The following FBXO42 variants were observed in gnomAD, a reference collection of about 807,000 sequenced individuals.
FBXO42 encodes the protein F-box only protein 42.
Under a neutral mutation model 71.7 loss-of-function variants are expected in FBXO42, and 12 were observed. That is an observed-to-expected ratio of 0.17 (90% CI 0.11 to 0.27). The LOEUF (loss-of-function observed/expected upper bound fraction) is 0.27. Ranked by LOEUF, FBXO42 falls within the 10% of genes least tolerant of loss-of-function variation. FBXO42 has a pLI of 1.00. For missense variants in FBXO42, 707 were observed against 911.9 expected (o/e 0.78, Z 2.89); for synonymous variants, 325 against 327.5 (o/e 0.99, Z 0.08).
At position 16,315,308 on chromosome 1, in the gene FBXO42, C is replaced by T. The variant is rs2082353507; in HGVS notation, c.111G>A (p.Glu37=). 1 of 1,614,030 alleles carries T rather than the reference C, an allele frequency of 6.2e-7. No individual in the cohort carries two copies. The highest frequency in any genetic ancestry group is 8.5e-7 in the Non-Finnish European group (1 of 1,180,020). ...ACCTATTATGTCTAGTCTCCTCAGC[C>T]TCCAATACTGGGTGGGGCTCCTCAT... ...DQDEEPHPVL[E]AEETRHNRSM... Residue 37 remains glutamate, a synonymous_variant, in exon 2 of 10, where the codon GAG becomes GAA. Transcript: ENST00000375592.
chr1:16,292,128 G>C (rs376285760), intron 4 of FBXO42, among the ~76,000 whole-genome samples: 1 of 152,162 alleles, frequency 6.6e-6, no homozygotes, highest in African/African-American at 2.4e-5. Context: ...ACATTCAGGA[G>C]TTTGTATGTT....
intron 4 of FBXO42, among the ~76,000 whole-genome samples, chr1:16,287,097 C>CATA (rs2082029403): frequency 6.6e-6 from 1 of 152,224 alleles, no homozygotes; most frequent in Non-Finnish European, 1.5e-5. Flanking sequence ...GAAAGCCACA[C>CATA]ATATGTGATA....
chr1:16,287,801 C>T (rs1020949390), intron 4 of FBXO42, among the ~76,000 whole-genome samples: 15 of 152,032 alleles, frequency 9.9e-5, no homozygotes, highest in African/African-American at 2.9e-4. Context: ...GTCAAACTCT[C>T]GGCCAGGCAC....
chr1:16,259,961 C>A (rs1000980845), intron 4 of FBXO42, among the ~76,000 whole-genome samples: 1 of 152,140 alleles, frequency 6.6e-6, no homozygotes, highest in Non-Finnish European at 1.5e-5. Flanking sequence ...GGTTATCAAA[C>A]TGAAGAGCAC....
chr1:16,313,961 G>A (rs1352357952), intron 2 of FBXO42, among the ~76,000 whole-genome samples: 1 of 152,086 alleles, frequency 6.6e-6, no homozygotes, highest in Non-Finnish European at 1.5e-5. Flanking sequence ...TTAGGAAAAG[G>A]ATGAAAAAAA....
At chr1:16,266,698 G>A (rs1342279159) in intron 4 of FBXO42, among the ~76,000 whole-genome samples, 1 of 152,142 alleles carries the variant, frequency 6.6e-6, no homozygotes, top group African/African-American at 2.4e-5. Context: ...TAAAACCAAA[G>A]CTGGGTCTTG....
intron 1 of FBXO42, among the ~76,000 whole-genome samples, chr1:16,343,237 A>C (rs2082623920): frequency 6.6e-6 from 1 of 152,220 alleles, no homozygotes; most frequent in African/African-American, 2.4e-5. Flanking sequence ...TGGATAAAAA[A>C]TTCTAAGGAT....
intron 3 of FBXO42, among the ~76,000 whole-genome samples, chr1:16,305,260 C>G (rs1213543146): frequency 6.6e-6 from 1 of 152,046 alleles, no homozygotes; most frequent in Non-Finnish European, 1.5e-5. Context: ...TGGTGGCATG[C>G]ACCTGTGGGC....
intron 1 of FBXO42, among the ~76,000 whole-genome samples, chr1:16,330,281 G>C (rs2082488366): frequency 6.6e-6 from 1 of 152,128 alleles, no homozygotes; most frequent in Admixed American, 6.6e-5. Context: ...AGCACTTTGA[G>C]ACGCCAAGAT....
At chr1:16,316,579 A>G (rs2082368188) in intron 1 of FBXO42, among the ~76,000 whole-genome samples, 1 of 151,708 alleles carries the variant, frequency 6.6e-6, no homozygotes, top group African/African-American at 2.4e-5. Context: ...CTACTAAAAT[A>G]CAAAAATTAG....
Position 16,251,501 on chromosome 1 carries a change from A to G in FBXO42, c.1323T>C (p.Gly441=). Residue 441 remains glycine (G), a synonymous_variant, in exon 10 of 10, where the codon GGT becomes GGC. Coordinates refer to ENST00000375592, the MANE Select transcript of FBXO42 (RefSeq NM_018994.3). This position sits in a 1 kb window ranked among gnomAD's most constrained non-coding sequence, Gnocchi z 4.5. ...CTGCCGTTCCTGGAGACAAACTCCC[A>G]CCATTGAGGATAGGAGAGCCGTCTC... ...ARGDGSPILN[G]GSLSPGTAAV... 1 of 1,614,130 alleles carries G rather than the reference A, an allele frequency of 6.2e-7. No individual in the cohort carries two copies. The highest frequency in any genetic ancestry group is 8.5e-7 in the Non-Finnish European group (1 of 1,180,008).
In FBXO42 at chr1:16,248,636, G is replaced by GT. The variant is rs770916100; in HGVS notation, c.*2033dup. 16 of 152,216 alleles carry GT rather than the reference G, an allele frequency of 1.1e-4. No homozygotes were observed. Among genetic ancestry groups the GT allele is most frequent in the Non-Finnish European group, 2.1e-4 (14 of 68,038 alleles). The allele number at this position is 152,216 out of a possible 1,614,324, so 9.4% of individuals were successfully genotyped here. A position where few individuals can be genotyped will look rare whatever the true frequency, so the allele number is the denominator to read the frequency against. ...CCTAACACAAGGTACAGCAATAGCG[G>GT]TAACACCTGAATTGCTAGCCTTCTG... On this transcript the variant is annotated 3_prime_UTR_variant, in exon 10 of 10. Coordinates refer to ENST00000375592, the MANE Select transcript of FBXO42 (RefSeq NM_018994.3).
chr1:16,283,509 T>C (rs1441183114), intron 4 of FBXO42, among the ~76,000 whole-genome samples: 4 of 141,792 alleles, frequency 2.8e-5, no homozygotes, highest in Admixed American at 7.0e-5. Context: ...TTTTTTTTTT[T>C]TTTTTTTTGA....
intron 2 of FBXO42, among the ~76,000 whole-genome samples, chr1:16,313,332 GAAAGAAAGAAA>G (rs2082333791): frequency 1.6e-5 from 1 of 61,502 alleles, no homozygotes; most frequent in Non-Finnish European, 5.1e-5. Context: ...AACAAAGAAA[GAAAGAAAGAAA>G]GAAAGAAAGA....
intron 4 of FBXO42, among the ~76,000 whole-genome samples, chr1:16,282,471 C>G (rs923583292): frequency 1.3e-5 from 2 of 150,690 alleles, no homozygotes; most frequent in African/African-American, 4.9e-5. Flanking sequence ...GGTGATCCAC[C>G]CGCCTCGGCC....
chr1:16,314,498 C>G (rs1479265246), intron 2 of FBXO42, among the ~76,000 whole-genome samples: 1 of 152,186 alleles, frequency 6.6e-6, no homozygotes, highest in Non-Finnish European at 1.5e-5. Context: ...AATGCAGGAT[C>G]TTCTAGTCAG....
At chr1:16,266,421 A>G (rs1270424858) in intron 4 of FBXO42, among the ~76,000 whole-genome samples, 1 of 152,082 alleles carries the variant, frequency 6.6e-6, no homozygotes, top group Non-Finnish European at 1.5e-5. Flanking sequence ...CTGCCTTAAG[A>G]TAGGTTAAGT....
intron 1 of FBXO42, among the ~76,000 whole-genome samples, chr1:16,330,902 A>G (rs2082493003): frequency 6.6e-6 from 1 of 152,014 alleles, no homozygotes. Context: ...AGATCCTGCC[A>G]TTGCACTCCA....
intron 4 of FBXO42, among the ~76,000 whole-genome samples, chr1:16,264,343 C>T (rs968476896): frequency 6.6e-6 from 1 of 152,206 alleles, no homozygotes; most frequent in Non-Finnish European, 1.5e-5. Flanking sequence ...TAAAAAGGCA[C>T]ATAACCACTA....
Sources: allele counts gnomAD v4.1 joint callset (sites outside exome capture counted in the v4.1 genomes callset), GRCh38; gene constraint gnomAD v4.1.1; non-coding constraint Gnocchi (gnomAD v3.1); transcripts MANE v1.5; gene names NCBI Gene and HGNC (gene_info 2026-07-23, HGNC 2026-07-21).